The following EPHA6 variants were observed in gnomAD, a reference collection of about 807,000 sequenced individuals.
EPHA6 encodes ephrin type-A receptor 6.
EPHA6 carries 50 observed loss-of-function variants against 112.0 expected under a neutral mutation model. That is an observed-to-expected ratio of 0.45 (90% CI 0.36 to 0.56). EPHA6 has a LOEUF of 0.56. Among genes scored for constraint, EPHA6 ranks in the 20% least tolerant of loss-of-function variants. The pLI is 0.00. For synonymous variants in EPHA6, 529 were observed against 490.7 expected, an observed-to-expected ratio of 1.08 and a Z score of -1.03; for missense variants, 1,280 against 1,417.4, an observed-to-expected ratio of 0.90 and a Z score of 1.56.
chr3:97,698,518 T>C (rs145204193), intron 14 of EPHA6, among the ~76,000 whole-genome samples: 1 of 152,178 alleles, frequency 6.6e-6, no homozygotes, highest in African/African-American at 2.4e-5. Context: ...AAAAAGGAAA[T>C]TCTAGTGCTT....
chr3:97,017,583 C>A (rs2044306593), intron 3 of EPHA6, among the ~76,000 whole-genome samples: 1 of 152,136 alleles, frequency 6.6e-6, no homozygotes, highest in East Asian at 1.9e-4. Context: ...ACTGGACTCA[C>A]AGCCAGTGGA....
At chr3:97,096,898 T>G (rs2047256271) in intron 3 of EPHA6, among the ~76,000 whole-genome samples, 1 of 151,780 alleles carries the variant, frequency 6.6e-6, no homozygotes, top group Admixed American at 6.6e-5. Flanking sequence ...TTAAAAAACT[T>G]TCTAAATTAT....
At chr3:97,366,564 C>T (rs2108960362) in intron 5 of EPHA6, among the ~76,000 whole-genome samples, 1 of 151,436 alleles carries the variant, frequency 6.6e-6, no homozygotes, top group South Asian at 2.1e-4. Context: ...AGTCACTAAT[C>T]TTAGACTAAA....
intron 10 of EPHA6, among the ~76,000 whole-genome samples, chr3:97,495,733 T>C (rs967691462): frequency 1.3e-5 from 2 of 152,110 alleles, no homozygotes; most frequent in Admixed American, 1.3e-4. Flanking sequence ...CAGCAATCAT[T>C]TAGTATACTC....
chr3:97,532,590 GT>G lies in EPHA6; in HGVS notation c.2386+56del, dbSNP rs200034558. 1.6e-4 allele frequency: 238 copies of G among 1,462,176 alleles called. 1 individual carries two copies. The Middle Eastern group carries it at 5.1e-3, about 31-fold the overall frequency. 90.6% of individuals were successfully genotyped at this position (1,462,176 alleles called of 1,614,324 possible). A position where few individuals can be genotyped will look rare whatever the true frequency, so the allele number is the denominator to read the frequency against. On this transcript the variant is annotated intron_variant, in intron 11 of 17. Transcript: ENST00000389672. ...TTACTTCTTTCACACACCTATCTCA[GT>G]TTTTTTTTAAGAAAAGGAAAAATCT...
intron 3 of EPHA6, among the ~76,000 whole-genome samples, chr3:97,213,997 CTGTGTGTGTG>C (rs10557927): frequency 8.5e-5 from 11 of 128,940 alleles, no homozygotes; most frequent in South Asian, 2.6e-4. Context: ...CTCATGTGTT[CTGTGTGTGTG>C]TGTGTGTGTG....
intron 15 of EPHA6, among the ~76,000 whole-genome samples, chr3:97,730,738 T>G (rs528802283): frequency 6.6e-6 from 1 of 152,252 alleles, no homozygotes; most frequent in Admixed American, 6.5e-5. Context: ...CTCAAGCTTC[T>G]CTGAAAATTC....
At chr3:97,263,955 A>G (rs1576798438) in intron 5 of EPHA6, among the ~76,000 whole-genome samples, 2 of 152,314 alleles carry the variant, frequency 1.3e-5, no homozygotes, top group South Asian at 4.1e-4. Context: ...TATAAGTATA[A>G]TGAAGATTTG....
In EPHA6 at chr3:96,814,826, AC is replaced by A. The variant is rs1278564783; in HGVS notation, c.208del (p.His70IlefsTer15). On this transcript the variant is annotated frameshift_variant, in exon 1 of 18. Transcript: ENST00000389672. LOFTEE classifies it high-confidence loss of function. ...GAGGAGGAAGAAGACGTGGACAAGG[AC>A]CCCCATCCTACCCAGAACACCTGCC... ...EEEEEEDVDK[D>X]PHPTQNTCLR... The A allele has an allele frequency of 1.3e-6, 2 of 1,584,624 alleles. No homozygotes were observed. Among genetic ancestry groups the A allele is most frequent in the South Asian group, 1.1e-5 (1 of 87,952 alleles).
At chr3:97,304,411 G>T in intron 5 of EPHA6, among the ~76,000 whole-genome samples, 1 of 151,858 alleles carries the variant, frequency 6.6e-6, no homozygotes, top group East Asian at 1.9e-4. Flanking sequence ...AATTCATATG[G>T]AACCAAAAAA....
At chr3:97,046,140 A>G (rs1358039211) in intron 3 of EPHA6, among the ~76,000 whole-genome samples, 1 of 152,176 alleles carries the variant, frequency 6.6e-6, no homozygotes, top group East Asian at 1.9e-4. Flanking sequence ...AAAAGGACAA[A>G]TCAAACCATT....
rs1027736639 is a variant in EPHA6 at position 97,004,745 on chromosome 3, G to C, written c.1114+16752G>C. On this transcript the variant is annotated intron_variant, in intron 3 of 17. Coordinates refer to ENST00000389672, the MANE Select transcript of EPHA6 (RefSeq NM_001080448.3). ...CTATGTCCTGAATGGTATTGCCTAG[G>C]TTTTCTTATAGGGTTTTTATGGTTT... is the stretch of plus-strand genomic sequence containing the variant. Among the ~76,000 whole-genome samples, 4 of 152,148 alleles carry C rather than the reference G, an allele frequency of 2.6e-5. No homozygotes were observed. In the East Asian group the frequency reaches 5.8e-4, roughly 22 times the overall value.
intron 14 of EPHA6, among the ~76,000 whole-genome samples, chr3:97,685,154 T>C (rs1430329098): frequency 6.6e-6 from 1 of 152,156 alleles, no homozygotes; most frequent in Non-Finnish European, 1.5e-5. Flanking sequence ...CAGAAATAAA[T>C]TTGTCTAGAC....
chr3:96,940,575 G>T lies in EPHA6; in HGVS notation c.451-46755G>T, dbSNP rs1018545510. Among the ~76,000 whole-genome samples the T allele has an allele frequency of 2.0e-5, 3 of 152,072 alleles. No individual in the cohort carries two copies. The East Asian group carries it at 5.8e-4, about 29-fold the overall frequency. On this transcript the variant is annotated intron_variant, in intron 2 of 17. Coordinates refer to ENST00000389672, the MANE Select transcript of EPHA6 (RefSeq NM_001080448.3). Reference sequence around the variant, plus strand: ...CCAATTTTCCAGTCTGTGTCTTTTAGTTGGAGCATTTAGTCCATTTACATT... The same window carrying T: ...CCAATTTTCCAGTCTGTGTCTTTTATTTGGAGCATTTAGTCCATTTACATT...
intron 3 of EPHA6, among the ~76,000 whole-genome samples, chr3:97,211,610 G>A (rs954700522): frequency 5.3e-5 from 8 of 152,038 alleles, no homozygotes; most frequent in African/African-American, 1.9e-4. Flanking sequence ...CCCTTATAAG[G>A]GCACTAATCC....
chr3:97,537,441 A>G (rs1486205982), intron 11 of EPHA6, among the ~76,000 whole-genome samples: 2 of 152,196 alleles, frequency 1.3e-5, no homozygotes, highest in Admixed American at 6.5e-5. Context: ...TGTTGGTGCC[A>G]GTCCACTGGG....
chr3:97,198,420 C>T (rs2077494863), intron 3 of EPHA6, among the ~76,000 whole-genome samples: 5 of 152,088 alleles, frequency 3.3e-5, no homozygotes, highest in African/African-American at 1.2e-4. Context: ...TGAAGTGCTT[C>T]CAATTCTGAC....
At chr3:97,595,932 GTCTC>G (rs1452682686) in intron 12 of EPHA6, among the ~76,000 whole-genome samples, 1 of 127,802 alleles carries the variant, frequency 7.8e-6, no homozygotes, top group African/African-American at 3.1e-5. Context: ...TTGAGACGGA[GTCTC>G]TCTCTGTCGC....
chr3:96,874,842 A>T (rs761957160), intron 2 of EPHA6, among the ~76,000 whole-genome samples: 3 of 152,118 alleles, frequency 2.0e-5, no homozygotes, highest in Non-Finnish European at 4.4e-5. Context: ...ATTGAAAGAT[A>T]CATGCAGAAG....
Sources: gnomAD v4.1 joint callset for allele counts (sites outside exome capture counted in the v4.1 genomes callset) on GRCh38, gnomAD v4.1.1 for gene constraint, MANE v1.5 for transcripts, NCBI Gene and HGNC (gene_info 2026-07-23, HGNC 2026-07-21) for gene names.